POLQ: variants seen among roughly 807,000 people sequenced by gnomAD.
POLQ encodes the protein DNA polymerase theta.
A neutral mutation model predicts 259.2 loss-of-function variants in POLQ; 233 were observed. That is an observed-to-expected ratio of 0.90 (90% CI 0.81 to 1.00). The LOEUF is 1.00. Among genes scored for constraint, POLQ ranks in the 50% least tolerant of loss-of-function variants. POLQ has a pLI of 0.00. For synonymous variants in POLQ, 1,025 were observed against 1,048.8 expected (o/e 0.98, Z 0.44); for missense variants, 2,871 against 3,051.6 (o/e 0.94, Z 1.39).
At chr3:121,487,031 C>T (rs988462405) in intron 16 of POLQ, among the ~76,000 whole-genome samples, 47 of 152,162 alleles carry the variant, frequency 3.1e-4, no homozygotes, top group Non-Finnish European at 5.7e-4. Context: ...AGAAATGTCA[C>T]GTTCATATTC....
At chr3:121,513,360 T>C (rs2048269474) in intron 9 of POLQ, among the ~76,000 whole-genome samples, 1 of 151,792 alleles carries the variant, frequency 6.6e-6, no homozygotes, top group Non-Finnish European at 1.5e-5. Context: ...TCCCAGCACT[T>C]TGGGAGGCCG....
At chr3:121,490,701 A>G (rs1286909807) in intron 15 of POLQ, among the ~76,000 whole-genome samples, 2 of 152,244 alleles carry the variant, frequency 1.3e-5, no homozygotes, top group African/African-American at 4.8e-5. Context: ...GGAAGGCTTC[A>G]CTAAGACAGA....
rs572239950 is a variant in POLQ, at chr3:121,494,549, G to A, written c.2279-828C>T. 1.6e-5 allele frequency: 26 copies of A among 1,582,868 alleles called. No individual in the cohort carries two copies. The African/African-American group carries it at 3.4e-4, about 20-fold the overall frequency. ...AGTTAACACCGTCACCACCTTGGTG[G>A]AGAACAAGAAAGCTCAGCTGGTGGT... On this transcript the variant is annotated intron_variant, in intron 14 of 29. Transcript: ENST00000264233.
At chr3:121,451,820 G>A (rs546355946) in intron 25 of POLQ, among the ~76,000 whole-genome samples, 34 of 152,332 alleles carry the variant, frequency 2.2e-4, no homozygotes, top group African/African-American at 7.2e-4. Context: ...AAAGCTGTCC[G>A]ATGGGACATT....
intron 26 of POLQ, among the ~76,000 whole-genome samples, chr3:121,442,626 T>C (rs751526298): frequency 1.8e-4 from 27 of 152,206 alleles, no homozygotes; most frequent in Non-Finnish European, 3.7e-4. Flanking sequence ...CAAGATCTCA[T>C]TCTTTTCTAT....
At chr3:121,508,016 A>ATTTTTTTT (rs4048669) in intron 12 of POLQ, among the ~76,000 whole-genome samples, 13 of 129,614 alleles carry the variant, frequency 1.0e-4, no homozygotes, top group East Asian at 2.3e-4. Flanking sequence ...ACCATACACA[A>ATTTTTTTT]TTTTTTTTTT....
rs139796914 is a variant in POLQ, at chr3:121,532,883, G to A, written c.960+107C>T. On this transcript the variant is annotated intron_variant, in intron 6 of 29. Transcript: ENST00000264233. ...CAGTTAGCTTAATATTAATCCTAAT[G>A]TATATGTAACTCCCAATTACATCAT... is the stretch of plus-strand genomic sequence containing the variant. The A allele has an allele frequency of 3.6e-5, 26 of 727,320 alleles. No homozygotes were observed. The East Asian group carries it at 5.9e-4, about 16-fold the overall frequency. 45.1% of individuals were successfully genotyped at this position (727,320 alleles called of 1,614,324 possible).
At position 121,490,316 on chromosome 3, in the gene POLQ, T is replaced by G; in HGVS notation, c.2615A>C (p.Glu872Ala). ...IWVTGRKGLTEREAAALIVEE... is the reference protein window; with the variant it reads ...IWVTGRKGLTAREAAALIVEE... ...CACTATAAGGGCTGCTGCTTCCCTT[T>G]CAGTTAAACCTTTTCTGCCAGTCAC... The change falls in exon 16 of 30, where the codon GAA (glutamate) becomes GCA (alanine). Residue 872 changes from glutamate to alanine, a missense_variant. Transcript: ENST00000264233. The G allele has an allele frequency of 6.2e-7, 1 of 1,614,222 alleles. No homozygotes were observed. The highest frequency in any genetic ancestry group is 1.7e-5 in the Admixed American group (1 of 60,024).
intron 28 of POLQ, among the ~76,000 whole-genome samples, chr3:121,434,160 G>A (rs2047524631): frequency 6.6e-6 from 1 of 152,174 alleles, no homozygotes; most frequent in Admixed American, 6.5e-5. Context: ...TTGGCTACCT[G>A]GCTTCTGACC....
At chr3:121,476,795 T>C in intron 19 of POLQ, 62 bp from the exon 20 acceptor site, 1 of 1,093,996 alleles carries the variant, frequency 9.1e-7, no homozygotes, top group Non-Finnish European at 1.3e-6. Context: ...TCAGCAGCCT[T>C]ACCTAAACTA....
At position 121,488,642 on chromosome 3, in the gene POLQ, A is replaced by T. The variant is rs377402875; in HGVS notation, c.4289T>A (p.Leu1430Ter). Residue 1430 changes from leucine (L) to a stop codon, truncating the protein, a stop_gained, in exon 16 of 30, where the codon TTA becomes TAA. Transcript: ENST00000264233. LOFTEE classifies it high-confidence loss of function. ...PILLEENGLFLKKNEVSVTDS... is the reference protein window; with the variant it reads ...PILLEENGLF ...AGTAACAGAAACTTCATTCTTTTTT[A>T]AAAAAAGACCATTTTCCTCCAATAG... The T allele has an allele frequency of 7.4e-5, 118 of 1,600,710 alleles. No individual in the cohort carries two copies. Among genetic ancestry groups the T allele is most frequent in the South Asian group, 4.9e-4 (43 of 87,870 alleles).
chr3:121,477,530 T>C (rs2047936520), intron 19 of POLQ, among the ~76,000 whole-genome samples: 1 of 152,126 alleles, frequency 6.6e-6, no homozygotes, highest in Non-Finnish European at 1.5e-5. Flanking sequence ...AGACTTAACT[T>C]ATATATTAAA....
rs2048424411 is a variant in POLQ, at chr3:121,533,153, G to T, written c.797C>A (p.Ala266Asp). The T allele has an allele frequency of 6.2e-7, 1 of 1,613,966 alleles. No individual in the cohort carries two copies. Among genetic ancestry groups the T allele is most frequent in the Non-Finnish European group, 8.5e-7 (1 of 1,179,890 alleles). The change falls in exon 6 of 30, where the codon GCT (alanine) becomes GAT (aspartate). Residue 266 changes from alanine to aspartate, a missense_variant. This residue lies in a region of POLQ where 783 missense variants were observed against 906.2 expected (regional missense o/e 0.86). Transcript: ENST00000264233. ...SNAVQIVGMS[A>D]TLPNLELVAS... is the part of the protein sequence containing the mutation. ...CACAAGCTCCAAATTAGGAAGGGTAGCACTCATGCCAACGATTTGCACAGC... is the reference window on the plus strand; with the variant it reads ...CACAAGCTCCAAATTAGGAAGGGTATCACTCATGCCAACGATTTGCACAGC...
At chr3:121,525,893 CTTT>C in intron 7 of POLQ, among the ~76,000 whole-genome samples, 1 of 151,966 alleles carries the variant, frequency 6.6e-6, no homozygotes, top group East Asian at 1.9e-4. Context: ...TTACCTCCAC[CTTT>C]TTTTTGCCAT....
chr3:121,543,657 G>A (rs1404787381), intron 2 of POLQ, among the ~76,000 whole-genome samples: 4 of 152,166 alleles, frequency 2.6e-5, no homozygotes, highest in Non-Finnish European at 5.9e-5. Context: ...GTAAGCATGC[G>A]TTAAAAATTG....
intron 24 of POLQ, among the ~76,000 whole-genome samples, chr3:121,466,545 C>G (rs1209692225): frequency 6.6e-6 from 1 of 151,792 alleles, no homozygotes; most frequent in East Asian, 1.9e-4. Flanking sequence ...ACAAAATTAG[C>G]CAGGCATGGT....
chr3:121,467,545 A>T lies in POLQ; in HGVS notation c.6941T>A (p.Met2314Lys). Residue 2314 changes from methionine to lysine, a missense_variant, in exon 24 of 30, where the codon ATG becomes AAG. Met to Lys is a moderately conservative substitution (Grantham distance 95). This residue lies in a region of POLQ where 2,080 missense variants were observed against 2,126.0 expected (regional missense o/e 0.98). Coordinates refer to ENST00000264233, the MANE Select transcript of POLQ (RefSeq NM_199420.4). ...TGGGAAAGGCACAAAGGCATGTCGCATGCTAATTGAAAATGGCATTCCTCT... is the reference window on the plus strand; with the variant it reads ...TGGGAAAGGCACAAAGGCATGTCGCTTGCTAATTGAAAATGGCATTCCTCT... ...ADRGMPFSIS[M>K]RHAFVPFPGG... The T allele has an allele frequency of 6.2e-7, 1 of 1,614,060 alleles. No homozygotes were observed. The highest frequency in any genetic ancestry group is 8.5e-7 in the Non-Finnish European group (1 of 1,179,918).
chr3:121,436,833 C>A lies in POLQ; in HGVS notation c.7390-558G>T, dbSNP rs554210865. Reference sequence around the variant, plus strand: ...CTAGTGAAAACGCACATCCTAGATCCCTGGGTATTCAGTTACAACTTCCTT... The same window carrying A: ...CTAGTGAAAACGCACATCCTAGATCACTGGGTATTCAGTTACAACTTCCTT... On this transcript the variant is annotated intron_variant, in intron 27 of 29. Transcript: ENST00000264233. Among the ~76,000 whole-genome samples the A allele has an allele frequency of 1.1e-4, 17 of 151,592 alleles. No individual in the cohort carries two copies. The South Asian group carries it at 3.6e-3, about 32-fold the overall frequency.
intron 19 of POLQ, among the ~76,000 whole-genome samples, chr3:121,477,122 G>A (rs2047933813): frequency 6.6e-6 from 1 of 152,092 alleles, no homozygotes. Context: ...CCACAATTAG[G>A]ACACTCCATA....
Sources: allele counts gnomAD v4.1 joint callset (sites outside exome capture counted in the v4.1 genomes callset), GRCh38; gene constraint gnomAD v4.1.1; regional missense constraint gnomAD v4.1.1; transcripts MANE v1.5; gene names NCBI Gene and HGNC (gene_info 2026-07-23, HGNC 2026-07-21).